The following CCDC170 variants were observed in gnomAD, a reference collection of about 807,000 sequenced individuals.
CCDC170 encodes the protein coiled-coil domain containing 170, also known as coiled-coil domain-containing protein 170.
CCDC170 carries 69 observed loss-of-function variants against 72.6 expected under a neutral mutation model. That is an observed-to-expected ratio of 0.95 (90% CI 0.78 to 1.16). CCDC170 has a LOEUF of 1.16. CCDC170 is among the 50% of genes most tolerant of loss of function. The pLI is 0.00. For missense variants in CCDC170, 852 were observed against 832.5 expected (o/e 1.02, Z -0.29); for synonymous variants, 300 against 303.9 (o/e 0.99, Z 0.13).
At chr6:151,583,139 C>T (rs1776402228) in intron 6 of CCDC170, among the ~76,000 whole-genome samples, 1 of 150,304 alleles carries the variant, frequency 6.7e-6, no homozygotes, top group Non-Finnish European at 1.5e-5. Context: ...ACTACAGGCG[C>T]CTGCCACCAC....
chr6:151,515,558 T>C (rs1244986545), intron 1 of CCDC170, among the ~76,000 whole-genome samples: 2 of 152,192 alleles, frequency 1.3e-5, no homozygotes, highest in African/African-American at 4.8e-5. Flanking sequence ...GCTAGGATTG[T>C]AGGCGTGAGC....
chr6:151,570,196 C>T (rs1366551407), intron 5 of CCDC170, among the ~76,000 whole-genome samples: 1 of 152,154 alleles, frequency 6.6e-6, no homozygotes, highest in East Asian at 1.9e-4. Flanking sequence ...CCATAAGTCA[C>T]AAGCATCTGA....
chr6:151,593,456 T>C (rs1445782398), intron 8 of CCDC170, among the ~76,000 whole-genome samples, 176 bp downstream of exon 8: 1 of 151,012 alleles, frequency 6.6e-6, no homozygotes, highest in Non-Finnish European at 1.5e-5. Context: ...AGTGTATCTG[T>C]CACCTAAGGT....
intron 6 of CCDC170, among the ~76,000 whole-genome samples, chr6:151,576,623 T>G (rs967659003): frequency 2.6e-5 from 4 of 152,188 alleles, no homozygotes; most frequent in African/African-American, 9.7e-5. Flanking sequence ...AGTGCCTTTG[T>G]CTGCCATTCC....
At chr6:151,536,206 A>T (rs1782576117) in intron 1 of CCDC170, 112 bp from the exon 2 acceptor site, 1 of 1,225,394 alleles carries the variant, frequency 8.2e-7, no homozygotes. Context: ...CATGTTTGAC[A>T]TATTTGGAAT....
intron 9 of CCDC170, among the ~76,000 whole-genome samples, chr6:151,611,333 A>G (rs779077476): frequency 2.0e-5 from 3 of 152,150 alleles, no homozygotes; most frequent in East Asian, 3.9e-4. Flanking sequence ...ACAAAATACC[A>G]TAAACGGGAT....
At chr6:151,519,244 C>T (rs1260132141) in intron 1 of CCDC170, among the ~76,000 whole-genome samples, 1 of 152,120 alleles carries the variant, frequency 6.6e-6, no homozygotes, top group African/African-American at 2.4e-5. Flanking sequence ...ATTCCTTCCC[C>T]AGGGTATTAA....
At chr6:151,603,286 T>G (rs890050295) in intron 9 of CCDC170, among the ~76,000 whole-genome samples, 1 of 152,086 alleles carries the variant, frequency 6.6e-6, no homozygotes, top group African/African-American at 2.4e-5. Context: ...ATGTTTAAAG[T>G]TTGTTTTCCC....
chr6:151,591,150 T>C (rs527249092), intron 7 of CCDC170, among the ~76,000 whole-genome samples: 11 of 152,356 alleles, frequency 7.2e-5, no homozygotes, highest in African/African-American at 2.6e-4. Flanking sequence ...TAGCTAGTTC[T>C]GGGCTTTAAT....
chr6:151,539,087 C>A (rs1017397910), intron 3 of CCDC170, among the ~76,000 whole-genome samples: 1 of 152,018 alleles, frequency 6.6e-6, no homozygotes, highest in Non-Finnish European at 1.5e-5. Context: ...CATGGTGAAA[C>A]CCCGTCTCTA....
chr6:151,608,158 C>CAA (rs1442560776), intron 9 of CCDC170, among the ~76,000 whole-genome samples: 3 of 152,076 alleles, frequency 2.0e-5, no homozygotes, highest in African/African-American at 4.8e-5. Flanking sequence ...TCTTCAGTTC[C>CAA]AAGACTTAAC....
At chr6:151,573,073 G>A (rs556500547) in intron 5 of CCDC170, 101 bp from the exon 6 acceptor site, 3 of 1,040,410 alleles carry the variant, frequency 2.9e-6, no homozygotes, top group African/African-American at 1.6e-5. Flanking sequence ...CCAACCCCTT[G>A]TAGTCATTAG....
At position 151,618,289 on chromosome 6, in the gene CCDC170, A is replaced by G; in HGVS notation, c.*142A>G. 1.4e-6 allele frequency: 1 copy of G among 702,172 alleles called. No individual in the cohort carries two copies. Among genetic ancestry groups the G allele is most frequent in the Non-Finnish European group, 2.3e-6 (1 of 431,558 alleles). The allele number at this position is 702,172 out of a possible 1,614,324, so 43.5% of individuals were successfully genotyped here. On this transcript the variant is annotated 3_prime_UTR_variant, in exon 11 of 11. Transcript: ENST00000239374. ...TAGTGAGAATGCATCACTTGCAAAAACGATCTCAAAAGTGTCAGCCTTAGA... is the reference window on the plus strand; with the variant it reads ...TAGTGAGAATGCATCACTTGCAAAAGCGATCTCAAAAGTGTCAGCCTTAGA...
At chr6:151,604,691 A>G (rs1216048111) in intron 9 of CCDC170, among the ~76,000 whole-genome samples, 1 of 152,182 alleles carries the variant, frequency 6.6e-6, no homozygotes, top group Admixed American at 6.5e-5. Context: ...GTGAGCCCAG[A>G]CTGCAAATCT....
chr6:151,578,183 G>T (rs928512040), intron 6 of CCDC170, among the ~76,000 whole-genome samples: 3 of 152,200 alleles, frequency 2.0e-5, no homozygotes, highest in African/African-American at 7.2e-5. Flanking sequence ...CGAACAGATG[G>T]AAGTTTCAGC....
chr6:151,510,395 G>A lies in CCDC170; in HGVS notation c.57+16210G>A, dbSNP rs533884535. ...GTTATTTATTACAGTAAAAACTGAA[G>A]AAAAAGGCAAAACAAAGCATTTTAA... is the stretch of plus-strand genomic sequence containing the variant. On this transcript the variant is annotated intron_variant, in intron 1 of 10. Coordinates refer to ENST00000239374, the MANE Select transcript of CCDC170 (RefSeq NM_025059.4). Among the ~76,000 whole-genome samples, 22 of 152,232 alleles carry A rather than the reference G, an allele frequency of 1.4e-4. No homozygotes were observed. The East Asian group carries it at 3.9e-3, about 27-fold the overall frequency.
rs1397422849 is a variant in CCDC170 at position 151,615,522 on chromosome 6, C to T, written c.1790C>T (p.Ala597Val). ...RDQLEKMKEKAEKKLMSVKSE... is the reference protein window; with the variant it reads ...RDQLEKMKEKVEKKLMSVKSE... ...CAACTGGAGAAGATGAAGGAGAAAG[C>T]TGAGAAAAAGCTCATGTCTGTCAAG... The change falls in exon 10 of 11, where the codon GCT (alanine) becomes GTT (valine). Residue 597 changes from alanine (A) to valine (V), a missense_variant. Physicochemically the swap from Ala to Val is moderately conservative, Grantham distance 64. Transcript: ENST00000239374. 6.2e-7 allele frequency: 1 copy of T among 1,613,940 alleles called. No individual in the cohort carries two copies. The highest frequency in any genetic ancestry group is 1.3e-5 in the African/African-American group (1 of 74,898).
intron 6 of CCDC170, among the ~76,000 whole-genome samples, chr6:151,579,651 T>A (rs1776354202): frequency 6.6e-6 from 1 of 152,150 alleles, no homozygotes; most frequent in African/African-American, 2.4e-5. Context: ...CATTTGTCCC[T>A]TATTTGTTCT....
At chr6:151,499,494 C>T (rs1003581606) in intron 1 of CCDC170, among the ~76,000 whole-genome samples, 31 of 130,420 alleles carry the variant, frequency 2.4e-4, no homozygotes, top group Non-Finnish European at 4.6e-4. Context: ...CTATTCTAGG[C>T]ACTCTGTATA....
Sources: gnomAD v4.1 joint callset for allele counts (sites outside exome capture counted in the v4.1 genomes callset) on GRCh38, gnomAD v4.1.1 for gene constraint, MANE v1.5 for transcripts, NCBI Gene and HGNC (gene_info 2026-07-23, HGNC 2026-07-21) for gene names.